SLC1A6: variants seen among roughly 807,000 people sequenced by gnomAD.
SLC1A6 encodes the protein solute carrier family 1 member 6, also known as excitatory amino acid transporter 4.
Under a neutral mutation model 42.1 loss-of-function variants are expected in SLC1A6, and 15 were observed. That is an observed-to-expected ratio of 0.36 (90% CI 0.24 to 0.55). SLC1A6 has a LOEUF of 0.55. Ranked by LOEUF, SLC1A6 falls within the 20% of genes least tolerant of loss-of-function variation. SLC1A6 has a pLI of 0.88. For synonymous variants in SLC1A6, 317 were observed against 319.7 expected (o/e 0.99, Z 0.09); for missense variants, 542 against 772.5 (o/e 0.70, Z 3.54).
chr19:15,006,760 C>A (rs374070427), intron 1 of SLC1A6, among the ~76,000 whole-genome samples: 344 of 132,910 alleles, frequency 2.6e-3, no homozygotes, highest in Non-Finnish European at 2.9e-3. Flanking sequence ...CCTGTCTCTA[C>A]AAAAAAAAAA....
Position 14,961,759 on chromosome 19 carries a change from G to A in SLC1A6, c.935+243C>T, listed in dbSNP as rs185247019. The A allele has an allele frequency of 1.8e-4, 89 of 496,162 alleles. 2 individuals are homozygous for A. In the East Asian group the frequency reaches 2.9e-3, roughly 16 times the overall value. 30.7% of individuals were successfully genotyped at this position (496,162 alleles called of 1,614,324 possible). The stretch of plus-strand genomic sequence containing the variant: ...GAAGGACATGAATGAATGAAAGAGT[G>A]AGATATTCCATGAACTAACCAATGC... On this transcript the variant is annotated intron_variant, in intron 6 of 9. Coordinates refer to ENST00000594383, the MANE Select transcript of SLC1A6 (RefSeq NM_005071.3).
upstream of SLC1A6, among the ~76,000 whole-genome samples, chr19:14,981,947 G>C (rs191623162): frequency 6.6e-6 from 1 of 152,000 alleles, no homozygotes; most frequent in Non-Finnish European, 1.5e-5. Flanking sequence ...AGGACCGCTT[G>C]AGTCCAAGAG....
At chr19:14,965,023 C>CAT (rs2045557881) in intron 4 of SLC1A6, among the ~76,000 whole-genome samples, 1 of 140,010 alleles carries the variant, frequency 7.1e-6, no homozygotes, top group South Asian at 2.3e-4. Context: ...ATGGAGATTT[C>CAT]TTTTTTTTTT....
chr19:14,953,094 T>A (rs1450300894), intron 8 of SLC1A6, 32 bp from the exon 9 acceptor site: 1 of 1,564,450 alleles, frequency 6.4e-7, no homozygotes, highest in East Asian at 2.3e-5. Flanking sequence ...GGGGAGCAGA[T>A]GGAGGGAAGA....
chr19:14,984,888 TG>T (rs58510042), intron 1 of SLC1A6, among the ~76,000 whole-genome samples: 14,660 of 144,712 alleles, frequency 0.1, 958 homozygotes, highest in African/African-American at 0.2. Context: ...GCAATTTTTT[TG>T]TTTGTTTGTT....
intron 1 of SLC1A6, among the ~76,000 whole-genome samples, chr19:14,993,111 G>T (rs938566760): frequency 1.3e-5 from 2 of 152,142 alleles, no homozygotes; most frequent in Non-Finnish European, 2.9e-5. Flanking sequence ...TGATATGCAA[G>T]CGAATTGTCT....
chr19:14,952,331 G>A (rs1487537842), intron 9 of SLC1A6, among the ~76,000 whole-genome samples: 1 of 151,076 alleles, frequency 6.6e-6, no homozygotes, highest in African/African-American at 2.4e-5. Flanking sequence ...GGTGGATCAC[G>A]AGGTCAGGAG....
At chr19:14,980,832 T>C (rs1260633152), upstream of SLC1A6, among the ~76,000 whole-genome samples, 1 of 152,054 alleles carries the variant, frequency 6.6e-6, no homozygotes, top group Non-Finnish European at 1.5e-5. Flanking sequence ...CGGGGACAGG[T>C]GCTCAGAAAG....
intron 1 of SLC1A6, among the ~76,000 whole-genome samples, chr19:15,001,989 C>A (rs1854154809): frequency 6.6e-6 from 1 of 152,010 alleles, no homozygotes; most frequent in Non-Finnish European, 1.5e-5. Flanking sequence ...CCCAAATTCA[C>A]TAATGAGAAA....
chr19:14,960,118 T>TGACG (rs1437986128), intron 6 of SLC1A6, among the ~76,000 whole-genome samples: 2 of 115,162 alleles, frequency 1.7e-5, no homozygotes, highest in African/African-American at 6.1e-5. Flanking sequence ...AGAGAAGGAA[T>TGACG]GATGGAAGGA....
At chr19:14,996,287 C>T (rs543354948) in intron 1 of SLC1A6, among the ~76,000 whole-genome samples, 21 of 152,242 alleles carry the variant, frequency 1.4e-4, no homozygotes, top group Non-Finnish European at 2.6e-4. Flanking sequence ...CATTGGTTAC[C>T]AGGGACTGCA....
At chr19:14,975,607 T>C (rs1416989558) in intron 1 of SLC1A6, among the ~76,000 whole-genome samples, 1 of 151,486 alleles carries the variant, frequency 6.6e-6, no homozygotes, top group Non-Finnish European at 1.5e-5. Flanking sequence ...ATACAAAAAT[T>C]AGCTGGATGT....
chr19:14,985,331 G>A (rs2045787844), intron 1 of SLC1A6, among the ~76,000 whole-genome samples: 2 of 152,180 alleles, frequency 1.3e-5, no homozygotes, highest in South Asian at 2.1e-4. Context: ...TCCAGTGTTG[G>A]AGGCAGGCCT....
At chr19:15,006,769 AAAAAG>A (rs1490250530) in intron 1 of SLC1A6, among the ~76,000 whole-genome samples, 3 of 149,000 alleles carry the variant, frequency 2.0e-5, no homozygotes, top group African/African-American at 7.6e-5. Flanking sequence ...ACAAAAAAAA[AAAAAG>A]AAAAAGAAAA....
chr19:14,999,417 C>A (rs1300334736), intron 1 of SLC1A6, among the ~76,000 whole-genome samples: 2 of 152,176 alleles, frequency 1.3e-5, no homozygotes, highest in African/African-American at 4.8e-5. Context: ...TGAGTCGACC[C>A]AATGTACACT....
At chr19:14,995,823 T>A (rs1271976111) in intron 1 of SLC1A6, among the ~76,000 whole-genome samples, 1 of 152,188 alleles carries the variant, frequency 6.6e-6, no homozygotes, top group Non-Finnish European at 1.5e-5. Flanking sequence ...GTGTCCTCAG[T>A]TGACCTCATA....
Position 14,975,495 on chromosome 19 carries a change from C to T in SLC1A6, c.-7-2578G>A, listed in dbSNP as rs543927896. 8.7e-4 allele frequency among the ~76,000 whole-genome samples: 133 copies of T among 152,210 alleles called. 2 individuals are homozygous for T. The highest frequency in any genetic ancestry group is 3.4e-3 in the Middle Eastern group (1 of 294). On this transcript the variant is annotated intron_variant, in intron 1 of 9. Coordinates refer to ENST00000594383, the MANE Select transcript of SLC1A6 (RefSeq NM_005071.3). ...ACGGCCAGGGCGCAGTGGCTCACAT[C>T]TGTAATCCCAGCAATTTGGAAGGCC...
At chr19:15,001,214 A>G (rs1198683679) in intron 1 of SLC1A6, among the ~76,000 whole-genome samples, 2 of 152,120 alleles carry the variant, frequency 1.3e-5, no homozygotes, top group Non-Finnish European at 1.5e-5. Flanking sequence ...GACAAATGAG[A>G]TGCCCACCAA....
At chr19:14,965,875 T>G (rs10427099) in intron 4 of SLC1A6, among the ~76,000 whole-genome samples, 1 of 147,796 alleles carries the variant, frequency 6.8e-6, no homozygotes, top group African/African-American at 2.5e-5. Flanking sequence ...AAGAAAGAAA[T>G]AATGTCTTTG....
Sources: allele counts gnomAD v4.1 joint callset (sites outside exome capture counted in the v4.1 genomes callset), GRCh38; gene constraint gnomAD v4.1.1; transcripts MANE v1.5; gene names NCBI Gene and HGNC (gene_info 2026-07-23, HGNC 2026-07-21).